The following SHISA8 variants were observed in gnomAD, a reference collection of about 807,000 sequenced individuals.
SHISA8 encodes protein shisa-8.
A neutral mutation model predicts 21.1 loss-of-function variants in SHISA8; 21 were observed. The ratio of observed to expected loss-of-function variants is 0.99; its 90% CI spans 0.71 to 1.43. The LOEUF is 1.43. SHISA8 is among the 40% of genes most tolerant of loss of function. The pLI, the probability that SHISA8 is intolerant of heterozygous loss-of-function variation, is 0.00. For synonymous variants in SHISA8, 300 were observed against 291.4 expected (o/e 1.03, Z -0.30); for missense variants, 535 against 599.1 (o/e 0.89, Z 1.12).
In SHISA8 at chr22:41,910,315, G is replaced by A; in HGVS notation, c.811+93C>T. 2 of 1,247,206 alleles carry A rather than the reference G, an allele frequency of 1.6e-6. No homozygotes were observed. The highest frequency in any genetic ancestry group is 2.0e-6 in the Non-Finnish European group (2 of 994,600). 77.3% of individuals were successfully genotyped at this position (1,247,206 alleles called of 1,614,324 possible). ...GGCCGAGCGGCGGGCGCGCGGAACT[G>A]GGAATTTGGCGCTTGGAGCTGCGGC... On this transcript the variant is annotated intron_variant, in intron 3 of 3. Transcript: ENST00000621082. This position sits in a 1 kb window ranked among gnomAD's most constrained non-coding sequence, Gnocchi z 6.8.
In SHISA8 at chr22:41,910,523, C is replaced by T. The variant is rs956237331; in HGVS notation, c.696G>A (p.Gly232=). 5.6e-6 allele frequency: 7 copies of T among 1,245,118 alleles called. No individual in the cohort carries two copies. The South Asian group carries it at 1.8e-4, about 32-fold the overall frequency. The allele number at this position is 1,245,118 out of a possible 1,614,324, so 77.1% of individuals were successfully genotyped here. The change falls in exon 3 of 4, where the codon GGG becomes GGA. Residue 232 remains glycine (G), a synonymous_variant. Coordinates refer to ENST00000621082, the MANE Select transcript of SHISA8 (RefSeq NM_001207020.3). This position sits in a 1 kb window ranked among gnomAD's most constrained non-coding sequence, Gnocchi z 6.8. ...CGCGCGGGGGCCCCGGGGCGGCCGA[C>T]CCCCGGGGCGCGTTGTTGAGGCGCT... ...DKKRLNNAPR[G]SAAPGPPRGP...
rs543307494 is a variant in SHISA8 at position 41,911,418 on chromosome 22, C to G, written c.531-69G>C. 11 of 1,231,944 alleles carry G rather than the reference C, an allele frequency of 8.9e-6. No homozygotes were observed. The South Asian group carries it at 4.4e-4, about 50-fold the overall frequency. The allele number at this position is 1,231,944 out of a possible 1,614,324, so 76.3% of individuals were successfully genotyped here. On this transcript the variant is annotated intron_variant, in intron 1 of 3. Coordinates refer to ENST00000621082, the MANE Select transcript of SHISA8 (RefSeq NM_001207020.3). The stretch of plus-strand genomic sequence containing the variant: ...ATCAAAAGCCAGCCCCGGCCACCAC[C>G]GTCTCACCGTGTGGCCCTGGGCAGT...
chr22:41,909,651 G>A lies in SHISA8; in HGVS notation c.*114C>T. 6.1e-6 allele frequency: 8 copies of A among 1,304,386 alleles called. No homozygotes were observed. The highest frequency in any genetic ancestry group is 1.5e-5 in the African/African-American group (1 of 64,826). 80.8% of individuals were successfully genotyped at this position (1,304,386 alleles called of 1,614,324 possible). A position where few individuals can be genotyped will look rare whatever the true frequency, so the allele number is the denominator to read the frequency against. On this transcript the variant is annotated 3_prime_UTR_variant, in exon 4 of 4. Coordinates refer to ENST00000621082, the MANE Select transcript of SHISA8 (RefSeq NM_001207020.3). The stretch of plus-strand genomic sequence containing the variant: ...CTGCAGGCTCCAAGACACCACTGCC[G>A]TTGAGGCAGACAGAAGAGCTGGCCT...
chr22:41,910,925 C>T lies in SHISA8; in HGVS notation c.664+291G>A, dbSNP rs2077548574. Among the ~76,000 whole-genome samples, 1 of 152,146 alleles carries T rather than the reference C, an allele frequency of 6.6e-6. No homozygotes were observed. The highest frequency in any genetic ancestry group is 2.4e-5 in the African/African-American group (1 of 41,432). On this transcript the variant is annotated intron_variant, in intron 2 of 3. Coordinates refer to ENST00000621082, the MANE Select transcript of SHISA8 (RefSeq NM_001207020.3). The surrounding 1 kb of genome is among the most constrained non-coding windows in gnomAD (Gnocchi z 6.8). ...CCAAGCCTGCCTGCCTCTCGAGAGA[C>T]CCAGGGGGAGGCTCTGGAGCCCGAG...
In SHISA8 at chr22:41,909,772, G is replaced by C. The variant is rs898350718; in HGVS notation, c.1187C>G (p.Thr396Ser). Residue 396 changes from threonine to serine, a missense_variant, in exon 4 of 4, where the codon ACC (threonine) becomes AGC (serine). Transcript: ENST00000621082. ...YLRTNSKTEV[T>S]V Reference sequence around the variant, plus strand: ...GGGCACCGCGGCCCCGCTTCACACGGTGACCTCGGTCTTGCTATTGGTCCT... The same window carrying C: ...GGGCACCGCGGCCCCGCTTCACACGCTGACCTCGGTCTTGCTATTGGTCCT... The C allele has an allele frequency of 4.5e-5, 66 of 1,466,174 alleles. No individual in the cohort carries two copies. The highest frequency in any genetic ancestry group is 5.7e-5 in the Non-Finnish European group (63 of 1,108,892). 90.8% of individuals were successfully genotyped at this position (1,466,174 alleles called of 1,614,324 possible). A position where few individuals can be genotyped will look rare whatever the true frequency, so the allele number is the denominator to read the frequency against.
In SHISA8 at chr22:41,914,656, G is replaced by A. The variant is rs1031369020; in HGVS notation, c.12C>T (p.Ala4=). Residue 4 remains alanine, a synonymous_variant, in exon 1 of 4, where the codon GCC becomes GCT. Coordinates refer to ENST00000621082, the MANE Select transcript of SHISA8 (RefSeq NM_001207020.3). This position sits in a 1 kb window ranked among gnomAD's most constrained non-coding sequence, Gnocchi z 6.8. MAR[A]GARGLLGGRR... is the part of the protein sequence containing the mutation. ...GGCCGCCGAGCAGTCCCCGCGCCCC[G>A]GCCCGCGCCATCGGGCCCGCGCCTC... The A allele has an allele frequency of 1.6e-5, 16 of 1,018,808 alleles. No homozygotes were observed. The highest frequency in any genetic ancestry group is 5.8e-5 in the Admixed American group (1 of 17,126). The allele number at this position is 1,018,808 out of a possible 1,614,324, so 63.1% of individuals were successfully genotyped here. A position where few individuals can be genotyped will look rare whatever the true frequency, so the allele number is the denominator to read the frequency against.
chr22:41,910,775 G>A lies in SHISA8; in HGVS notation c.665-221C>T, dbSNP rs2077547104. Among the ~76,000 whole-genome samples the A allele has an allele frequency of 1.3e-5, 2 of 152,158 alleles. No individual in the cohort carries two copies. Among genetic ancestry groups the A allele is most frequent in the Non-Finnish European group, 2.9e-5 (2 of 68,020 alleles). On this transcript the variant is annotated intron_variant, in intron 2 of 3. Transcript: ENST00000621082. This position sits in a 1 kb window ranked among gnomAD's most constrained non-coding sequence, Gnocchi z 6.8. Reference sequence around the variant, plus strand: ...CAGCGGCGGCGGCAGCCAGCCCGGGGGGTGCCACCCTCATGAACGGCTCGC... The same window carrying A: ...CAGCGGCGGCGGCAGCCAGCCCGGGAGGTGCCACCCTCATGAACGGCTCGC...
chr22:41,914,695 C>G lies in SHISA8; in HGVS notation c.-28G>C, dbSNP rs1419024156. Reference sequence around the variant, plus strand: ...GGCCCGCGCCTCCCGCTACTGCGCCCGGTGCATGGCCGGGCGCCGCGGCTC... The same window carrying G: ...GGCCCGCGCCTCCCGCTACTGCGCCGGGTGCATGGCCGGGCGCCGCGGCTC... On this transcript the variant is annotated 5_prime_UTR_variant, in exon 1 of 4. Coordinates refer to ENST00000621082, the MANE Select transcript of SHISA8 (RefSeq NM_001207020.3). This position sits in a 1 kb window ranked among gnomAD's most constrained non-coding sequence, Gnocchi z 6.8. 2 of 1,015,584 alleles carry G rather than the reference C, an allele frequency of 2.0e-6. No homozygotes were observed. The highest frequency in any genetic ancestry group is 4.6e-5 in the South Asian group (1 of 21,700). 62.9% of individuals were successfully genotyped at this position (1,015,584 alleles called of 1,614,324 possible). A position where few individuals can be genotyped will look rare whatever the true frequency, so the allele number is the denominator to read the frequency against.
chr22:41,911,075 C>T, intron 2 of SHISA8, 141 bp downstream of exon 2: 2 of 1,120,698 alleles, frequency 1.8e-6, no homozygotes, highest in Middle Eastern at 3.3e-4. Context: ...GCTGGCTGGC[C>T]GGTCGGGCCC....
intron 1 of SHISA8, 138 bp downstream of exon 1, chr22:41,914,000 C>CG: frequency 2.2e-6 from 2 of 897,104 alleles, no homozygotes; most frequent in Non-Finnish European, 1.5e-6. Context: ...GGGGGGGCGG[C>CG]GGGGGGAGAA....
Position 41,910,899 on chromosome 22 carries a change from G to A in SHISA8, c.664+317C>T, listed in dbSNP as rs1157125977. Among the ~76,000 whole-genome samples the A allele has an allele frequency of 1.3e-5, 2 of 152,102 alleles. No homozygotes were observed. Among genetic ancestry groups the A allele is most frequent in the Non-Finnish European group, 2.9e-5 (2 of 68,014 alleles). On this transcript the variant is annotated intron_variant, in intron 2 of 3. Transcript: ENST00000621082. This position sits in a 1 kb window ranked among gnomAD's most constrained non-coding sequence, Gnocchi z 6.8. ...AGAACCCAGACGGGGCGTGGGGGCT[G>A]CCAAGCCTGCCTGCCTCTCGAGAGA...
In SHISA8 at chr22:41,914,679, C is replaced by T; in HGVS notation, c.-12G>A. The T allele has an allele frequency of 2.0e-6, 2 of 1,015,892 alleles. No homozygotes were observed. The highest frequency in any genetic ancestry group is 3.5e-5 in the African/African-American group (2 of 57,378). 62.9% of individuals were successfully genotyped at this position (1,015,892 alleles called of 1,614,324 possible). On this transcript the variant is annotated 5_prime_UTR_variant, in exon 1 of 4. Coordinates refer to ENST00000621082, the MANE Select transcript of SHISA8 (RefSeq NM_001207020.3). The surrounding 1 kb of genome is among the most constrained non-coding windows in gnomAD (Gnocchi z 6.8). ...CCGGCCCGCGCCATCGGGCCCGCGC[C>T]TCCCGCTACTGCGCCCGGTGCATGG...
chr22:41,909,862 G>A lies in SHISA8; in HGVS notation c.1097C>T (p.Pro366Leu). The A allele has an allele frequency of 3.9e-6, 6 of 1,531,042 alleles. No homozygotes were observed. Among genetic ancestry groups the A allele is most frequent in the Non-Finnish European group, 4.4e-6 (5 of 1,144,786 alleles). 94.8% of individuals were successfully genotyped at this position (1,531,042 alleles called of 1,614,324 possible). The change falls in exon 4 of 4, where the codon CCT (proline) becomes CTT (leucine). Residue 366 changes from proline to leucine, a missense_variant. Coordinates refer to ENST00000621082, the MANE Select transcript of SHISA8 (RefSeq NM_001207020.3). The part of the protein sequence containing the change: ...AARRQFSVKM[P>L]ETFNPQLPGL... ...GGGGAGCTGCGGGTTGAAGGTCTCA[G>A]GCATCTTCACACTGAACTGGCGCCG...
At chr22:41,911,498 C>T in intron 1 of SHISA8, 149 bp from the exon 2 acceptor site, 1 of 889,176 alleles carries the variant, frequency 1.1e-6, no homozygotes, top group Non-Finnish European at 1.5e-6. Flanking sequence ...GCACGAGTTT[C>T]CCCTCCCAGG....
At position 41,910,153 on chromosome 22, in the gene SHISA8, G is replaced by A; in HGVS notation, c.812-6C>T. The A allele has an allele frequency of 8.1e-7, 1 of 1,237,192 alleles. No individual in the cohort carries two copies. Among genetic ancestry groups the A allele is most frequent in the Non-Finnish European group, 1.0e-6 (1 of 993,246 alleles). 76.6% of individuals were successfully genotyped at this position (1,237,192 alleles called of 1,614,324 possible). A position where few individuals can be genotyped will look rare whatever the true frequency, so the allele number is the denominator to read the frequency against. ...GAAGTCCCGCGGGGCGGCCTCTGCG[G>A]GGACAGGGCAGGGAAGAGTGACGCC... On this transcript the variant is annotated splice_region_variant and splice_polypyrimidine_tract_variant and intron_variant, in intron 3 of 3. Transcript: ENST00000621082. This position sits in a 1 kb window ranked among gnomAD's most constrained non-coding sequence, Gnocchi z 6.8.
Position 41,909,946 on chromosome 22 carries a change from G to C in SHISA8, c.1013C>G (p.Pro338Arg). The part of the protein sequence containing the change: ...WTSSRPARPA[P>R]LSHPTARAFQ... ...GGCCCGAGCCGTCGGGTGGCTGAGC[G>C]GGGCGGGCCGGGCCGGGCGACTGGA... The change falls in exon 4 of 4, where the codon CCG (proline) becomes CGG (arginine). Residue 338 changes from proline to arginine, a missense_variant. Pro to Arg is a moderately radical substitution (Grantham distance 103). Coordinates refer to ENST00000621082, the MANE Select transcript of SHISA8 (RefSeq NM_001207020.3). The C allele has an allele frequency of 1.3e-6, 2 of 1,493,840 alleles. No homozygotes were observed. The highest frequency in any genetic ancestry group is 1.8e-6 in the Non-Finnish European group (2 of 1,128,252). 92.5% of individuals were successfully genotyped at this position (1,493,840 alleles called of 1,614,324 possible).
In SHISA8 at chr22:41,909,783, C is replaced by T. The variant is rs1431725554; in HGVS notation, c.1176G>A (p.Lys392=). The change falls in exon 4 of 4, where the codon AAG becomes AAA. Residue 392 remains lysine (K), a synonymous_variant. Transcript: ENST00000621082. ...RGSRYLRTNS[K]TEVTV Reference sequence around the variant, plus strand: ...CCCCGCTTCACACGGTGACCTCGGTCTTGCTATTGGTCCTTAGGTACCGGG... The same window carrying T: ...CCCCGCTTCACACGGTGACCTCGGTTTTGCTATTGGTCCTTAGGTACCGGG... The T allele has an allele frequency of 1.3e-6, 2 of 1,485,744 alleles. No individual in the cohort carries two copies. Among genetic ancestry groups the T allele is most frequent in the Non-Finnish European group, 8.9e-7 (1 of 1,120,874 alleles). 92.0% of individuals were successfully genotyped at this position (1,485,744 alleles called of 1,614,324 possible). A position where few individuals can be genotyped will look rare whatever the true frequency, so the allele number is the denominator to read the frequency against.
At chr22:41,912,991 G>A (rs888020345) in intron 1 of SHISA8, among the ~76,000 whole-genome samples, 2 of 152,240 alleles carry the variant, frequency 1.3e-5, no homozygotes, top group African/African-American at 4.8e-5. Flanking sequence ...CCCATCATGG[G>A]GGACCCCCAA....
intron 2 of SHISA8, 148 bp downstream of exon 2, chr22:41,911,068 G>T: frequency 2.8e-6 from 3 of 1,080,678 alleles, no homozygotes; most frequent in Non-Finnish European, 3.5e-6. Context: ...CTGGCGAGCT[G>T]GCTGGCCGGT....
Sources: allele counts gnomAD v4.1 joint callset (sites outside exome capture counted in the v4.1 genomes callset), GRCh38; gene constraint gnomAD v4.1.1; non-coding constraint Gnocchi (gnomAD v3.1); transcripts MANE v1.5; gene names NCBI Gene and HGNC (gene_info 2026-07-23, HGNC 2026-07-21).